The following ACVR2A variants were observed in gnomAD, a reference collection of about 807,000 sequenced individuals.
The protein encoded by ACVR2A is activin receptor type-2A.
Under a neutral mutation model 61.4 loss-of-function variants are expected in ACVR2A, and 7 were observed. The ratio of observed to expected loss-of-function variants is 0.11; its 90% CI spans 0.06 to 0.21. The LOEUF is 0.21. Among genes scored for constraint, ACVR2A ranks in the 10% least tolerant of loss-of-function variants. The pLI, the probability that ACVR2A is intolerant of heterozygous loss-of-function variation, is 1.00. For synonymous variants in ACVR2A, 193 were observed against 208.3 expected, an observed-to-expected ratio of 0.93 and a Z score of 0.63; for missense variants, 322 against 621.7, an observed-to-expected ratio of 0.52 and a Z score of 5.13.
upstream of ACVR2A, chr2:147,845,026 T>G: frequency 3.8e-6 from 1 of 261,226 alleles, no homozygotes. Context: ...TTTTTTTTTT[T>G]TGGTCTGGGC....
At chr2:147,864,906 A>T (rs541104855) in intron 1 of ACVR2A, among the ~76,000 whole-genome samples, 1 of 152,328 alleles carries the variant, frequency 6.6e-6, no homozygotes, top group African/African-American at 2.4e-5. Context: ...GTCACTTTGG[A>T]ATGATAATCC....
chr2:147,887,310 A>G (rs996116398), intron 1 of ACVR2A, among the ~76,000 whole-genome samples: 1 of 152,222 alleles, frequency 6.6e-6, no homozygotes, highest in Non-Finnish European at 1.5e-5. Flanking sequence ...CTTTAATTTT[A>G]TATTAAGCTA....
chr2:147,927,208 G>T lies in ACVR2A; in HGVS notation c.1476G>T (p.Glu492Asp). ...GACTAACAAATATTATTACCACAGA[G>T]GACATTGTAACAGTGGTCACAATGG... ...MQRLTNIITT[E>D]DIVTVVTMVT... The change falls in exon 11 of 11, where the codon GAG (glutamate) becomes GAT (aspartate). Residue 492 changes from glutamate (E) to aspartate (D), a missense_variant. Glu to Asp is a conservative substitution (Grantham distance 45). Transcript: ENST00000241416. 6.2e-7 allele frequency: 1 copy of T among 1,612,216 alleles called. No individual in the cohort carries two copies. The highest frequency in any genetic ancestry group is 1.1e-5 in the South Asian group (1 of 91,026).
chr2:147,846,538 G>T (rs1685317870), intron 1 of ACVR2A, among the ~76,000 whole-genome samples: 1 of 152,134 alleles, frequency 6.6e-6, no homozygotes, highest in African/African-American at 2.4e-5. Flanking sequence ...GTATTGATCA[G>T]TTCCGGGTGG....
In ACVR2A at chr2:147,926,137, A is replaced by G. The variant is rs746065507; in HGVS notation, c.1323A>G (p.Leu441=). 4 of 1,611,370 alleles carry G rather than the reference A, an allele frequency of 2.5e-6. No individual in the cohort carries two copies. The highest frequency in any genetic ancestry group is 2.5e-6 in the Non-Finnish European group (3 of 1,178,498). ...TGCATAAAAAAAAGAGGCCTGTTTTAAGAGATTATTGGCAGAAACATGCTG... is the reference window on the plus strand; with the variant it reads ...TGCATAAAAAAAAGAGGCCTGTTTTGAGAGATTATTGGCAGAAACATGCTG... The part of the protein sequence containing the change: ...VVVHKKKRPV[L]RDYWQKHAGM... The change falls in exon 10 of 11, where the codon TTA becomes TTG. Residue 441 remains leucine, a synonymous_variant. Coordinates refer to ENST00000241416, the MANE Select transcript of ACVR2A (RefSeq NM_001616.5).
At chr2:147,872,172 C>T (rs1475300563) in intron 1 of ACVR2A, among the ~76,000 whole-genome samples, 1 of 151,992 alleles carries the variant, frequency 6.6e-6, no homozygotes, top group Non-Finnish European at 1.5e-5. Context: ...TGTGTTCCAC[C>T]TGCCACTTTT....
intron 1 of ACVR2A, among the ~76,000 whole-genome samples, chr2:147,893,624 T>A (rs1382253870): frequency 6.6e-6 from 1 of 152,218 alleles, no homozygotes; most frequent in Non-Finnish European, 1.5e-5. Context: ...ATTTCCCTGA[T>A]GATTGATAAT....
intron 7 of ACVR2A, among the ~76,000 whole-genome samples, chr2:147,919,150 A>G (rs999568146): frequency 2.0e-5 from 3 of 152,104 alleles, no homozygotes; most frequent in Non-Finnish European, 4.4e-5. Context: ...GTGGGATTCA[A>G]TTTGTTGTCT....
chr2:147,895,004 AACTC>A (rs777580447), intron 1 of ACVR2A, among the ~76,000 whole-genome samples: 5 of 152,118 alleles, frequency 3.3e-5, no homozygotes, highest in Non-Finnish European at 7.4e-5. Context: ...AATTTGAAAA[AACTC>A]ACAAATGAAC....
chr2:147,926,965 T>C (rs1687515065), intron 10 of ACVR2A, 115 bp from the exon 11 acceptor site: 1 of 985,124 alleles, frequency 1.0e-6, no homozygotes, highest in Non-Finnish European at 1.5e-6. Context: ...AAGTGAATGT[T>C]GACAGAAACT....
At chr2:147,880,498 A>G (rs1423587267) in intron 1 of ACVR2A, among the ~76,000 whole-genome samples, 1 of 152,232 alleles carries the variant, frequency 6.6e-6, no homozygotes, top group East Asian at 1.9e-4. Context: ...ATAAAGATGT[A>G]TACTTGAAAT....
rs1687660293 is a variant in ACVR2A, at chr2:147,930,565, C to G, written c.*3291C>G. ...ACCAGCAGTACGTTTTTTATGCAGT[C>G]TCAACCCATATCCCATTTGTTACCT... is the stretch of plus-strand genomic sequence containing the variant. On this transcript the variant is annotated 3_prime_UTR_variant, in exon 11 of 11. Coordinates refer to ENST00000241416, the MANE Select transcript of ACVR2A (RefSeq NM_001616.5). 6.6e-6 allele frequency: 1 copy of G among 152,352 alleles called. No homozygotes were observed. The highest frequency in any genetic ancestry group is 2.1e-4 in the South Asian group (1 of 4,822). The allele number at this position is 152,352 out of a possible 1,614,324, so 9.4% of individuals were successfully genotyped here.
chr2:147,851,845 G>A (rs533016304), intron 1 of ACVR2A, among the ~76,000 whole-genome samples: 1 of 151,878 alleles, frequency 6.6e-6, no homozygotes, highest in African/African-American at 2.4e-5. Flanking sequence ...TACACAATAG[G>A]TGCTCAGCAA....
At chr2:147,904,007 A>C (rs972284126) in intron 4 of ACVR2A, among the ~76,000 whole-genome samples, 5 of 151,984 alleles carry the variant, frequency 3.3e-5, no homozygotes, top group African/African-American at 1.2e-4. Flanking sequence ...CTTTGCGTTG[A>C]GAGAAATCTT....
chr2:147,883,645 T>C (rs1573676397), intron 1 of ACVR2A, among the ~76,000 whole-genome samples: 1 of 152,184 alleles, frequency 6.6e-6, no homozygotes, highest in Non-Finnish European at 1.5e-5. Context: ...TGTTAAGTGA[T>C]TCTATATCCA....
chr2:147,896,174 C>T (rs1387859960), intron 1 of ACVR2A, 127 bp from the exon 2 acceptor site: 12 of 790,342 alleles, frequency 1.5e-5, no homozygotes, highest in Admixed American at 2.8e-5. Flanking sequence ...AAACCTAAAC[C>T]CAAAGTTATA....
chr2:147,901,405 G>T (rs1686869219), intron 4 of ACVR2A, among the ~76,000 whole-genome samples: 1 of 151,892 alleles, frequency 6.6e-6, no homozygotes, highest in Non-Finnish European at 1.5e-5. Flanking sequence ...ATACAGTATT[G>T]TTACAAAAAT....
chr2:147,892,496 A>AATTTTTTTTTTTTTTTTTTTTTTTT, intron 1 of ACVR2A, among the ~76,000 whole-genome samples: 1 of 147,944 alleles, frequency 6.8e-6, no homozygotes, highest in Non-Finnish European at 1.5e-5. Context: ...AGACCCCAAA[A>AATTTTTTTTTTTTTTTTTTTTTTTT]CTTTTTTAAA....
In ACVR2A at chr2:147,927,813, G is replaced by A. The variant is rs1687540427; in HGVS notation, c.*539G>A. The A allele has an allele frequency of 6.6e-6, 1 of 152,296 alleles. No individual in the cohort carries two copies. Among genetic ancestry groups the A allele is most frequent in the African/African-American group, 2.4e-5 (1 of 41,370 alleles). 9.4% of individuals were successfully genotyped at this position (152,296 alleles called of 1,614,324 possible). On this transcript the variant is annotated 3_prime_UTR_variant, in exon 11 of 11. Transcript: ENST00000241416. ...GTGTACATAAAGTCATCAAAGTGGGGTACAGTAAAGAGGCTTCCAAGCATT... is the reference window on the plus strand; with the variant it reads ...GTGTACATAAAGTCATCAAAGTGGGATACAGTAAAGAGGCTTCCAAGCATT...
Sources: gnomAD v4.1 joint callset for allele counts (sites outside exome capture counted in the v4.1 genomes callset) on GRCh38, gnomAD v4.1.1 for gene constraint, MANE v1.5 for transcripts, NCBI Gene and HGNC (gene_info 2026-07-23, HGNC 2026-07-21) for gene names.